Variants in ZNF346 observed in about 807,000 individuals in gnomAD.
ZNF346 encodes zinc finger protein 346.
ZNF346 carries 23 observed loss-of-function variants against 33.7 expected under a neutral mutation model. The ratio of observed to expected loss-of-function variants is 0.68; its 90% confidence interval spans 0.49 to 0.97. ZNF346 has a LOEUF of 0.97. Ranked by LOEUF, ZNF346 falls within the 50% of genes least tolerant of loss-of-function variation. The probability of loss-of-function intolerance (pLI) is 0.00; values close to 1 mark genes in which losing one functional copy is unlikely to be tolerated. For missense variants in ZNF346, 340 were observed against 371.1 expected, an observed-to-expected ratio of 0.92 and a Z score of 0.69; for synonymous variants, 134 against 142.4, an observed-to-expected ratio of 0.94 and a Z score of 0.42.
At chr5:177,027,613 A>G (rs1007327395) in intron 1 of ZNF346, among the ~76,000 whole-genome samples, 1 of 147,460 alleles carries the variant, frequency 6.8e-6, no homozygotes, top group African/African-American at 2.5e-5. Flanking sequence ...AAAAGTTATC[A>G]CCAGTGAAGC....
chr5:177,079,010 C>T (rs1304174455), intron 8 of ZNF346, among the ~76,000 whole-genome samples: 1 of 149,786 alleles, frequency 6.7e-6, no homozygotes, highest in African/African-American at 2.5e-5. Context: ...GTGGCTCACG[C>T]CTATAATCCC....
intron 5 of ZNF346, among the ~76,000 whole-genome samples, chr5:177,059,974 G>A (rs971163944): frequency 6.6e-6 from 1 of 152,168 alleles, no homozygotes; most frequent in Non-Finnish European, 1.5e-5. Flanking sequence ...GGGGGAGCAG[G>A]GATCAAGAAA....
At chr5:177,063,749 G>A (rs1663245108) in intron 6 of ZNF346, among the ~76,000 whole-genome samples, 2 of 152,178 alleles carry the variant, frequency 1.3e-5, no homozygotes, top group Admixed American at 6.6e-5. Flanking sequence ...TTAGCCAGGT[G>A]TGGCGGCACA....
intron 5 of ZNF346, among the ~76,000 whole-genome samples, chr5:177,059,705 C>A (rs1373194369): frequency 6.6e-6 from 1 of 152,212 alleles, no homozygotes; most frequent in Non-Finnish European, 1.5e-5. Context: ...CCAGTTTCTT[C>A]AGCTTTTATA....
chr5:177,041,315 AATT>A, intron 2 of ZNF346, 86 bp downstream of exon 2: 2 of 1,143,152 alleles, frequency 1.7e-6, no homozygotes, highest in Non-Finnish European at 2.6e-6. Context: ...GGTGAAGTGT[AATT>A]GCTGCTTAGC....
At position 177,023,998 on chromosome 5, in the gene ZNF346, T is replaced by A. The variant is rs111412205; in HGVS notation, c.175+1085T>A. 4.1e-3 allele frequency among the ~76,000 whole-genome samples: 614 copies of A among 148,834 alleles called. 6 individuals carry two copies. The highest frequency in any genetic ancestry group is 0.014 in the African/African-American group (569 of 40,824). ...TGTCTCCTAAGTTTATATATATATA[T>A]AATGTATATTATATATAAAAAAGAA... On this transcript the variant is annotated intron_variant, in intron 1 of 6. Coordinates refer to ENST00000358149, the MANE Select transcript of ZNF346 (RefSeq NM_012279.4).
intron 4 of ZNF346, among the ~76,000 whole-genome samples, chr5:177,047,342 T>TG (rs1253128252): frequency 8.2e-4 from 122 of 148,318 alleles, no homozygotes; most frequent in African/African-American, 3.0e-3. Flanking sequence ...TGTTTTTTGT[T>TG]TTTTTTTTTT....
At chr5:177,057,060 C>T (rs1381768076) in intron 5 of ZNF346, among the ~76,000 whole-genome samples, 4 of 152,174 alleles carry the variant, frequency 2.6e-5, no homozygotes, top group Non-Finnish European at 4.4e-5. Context: ...CCTGTAATCT[C>T]AGCACTTTGG....
intron 1 of ZNF346, among the ~76,000 whole-genome samples, chr5:177,033,933 G>A (rs1285323873): frequency 2.6e-5 from 4 of 152,158 alleles, no homozygotes; most frequent in East Asian, 1.9e-4. Flanking sequence ...CAAGGCTGGA[G>A]CATAGCAGTG....
At position 177,041,765 on chromosome 5, in the gene ZNF346, T is replaced by A. The variant is rs1156708382; in HGVS notation, c.280-13T>A. The A allele has an allele frequency of 6.3e-7, 1 of 1,577,390 alleles. No homozygotes were observed. Among genetic ancestry groups the A allele is most frequent in the Non-Finnish European group, 8.7e-7 (1 of 1,147,538 alleles). On this transcript the variant is annotated splice_polypyrimidine_tract_variant and intron_variant, in intron 2 of 6. Transcript: ENST00000358149. ...ATTTGGCTATCTTTGATCTTTCTCCTGGGTTTTTGCAGAGCAAAAAACATG... is the reference window on the plus strand; with the variant it reads ...ATTTGGCTATCTTTGATCTTTCTCCAGGGTTTTTGCAGAGCAAAAAACATG...
chr5:177,048,035 G>A (rs963799613), intron 4 of ZNF346, among the ~76,000 whole-genome samples: 7 of 152,026 alleles, frequency 4.6e-5, no homozygotes, highest in African/African-American at 7.3e-5. Flanking sequence ...TGACTGCATC[G>A]TACTACATTT....
chr5:177,023,232 C>A (rs1167592779), intron 1 of ZNF346: 4 of 1,535,440 alleles, frequency 2.6e-6, no homozygotes, highest in Non-Finnish European at 3.5e-6. Context: ...CTTTGCCATC[C>A]CGGTAAGCCA....
chr5:177,079,523 A>T (rs1383528236), exon 9 of ZNF346: 1 of 152,190 alleles, frequency 6.6e-6, no homozygotes, highest in East Asian at 1.9e-4. Flanking sequence ...TCTTGCGACC[A>T]TGAGAGAAAA....
At chr5:177,036,981 C>T (rs766443932) in intron 1 of ZNF346, among the ~76,000 whole-genome samples, 3 of 152,048 alleles carry the variant, frequency 2.0e-5, no homozygotes, top group African/African-American at 4.8e-5. Flanking sequence ...AAAAAAAAGC[C>T]GCTGATTCCT....
intron 5 of ZNF346, chr5:177,051,625 A>G (rs61462283): frequency 0.14 from 21,353 of 151,720 alleles, 3,185 homozygotes; most frequent in African/African-American, 0.38. Flanking sequence ...TGCAGCCTCC[A>G]CCTCCTGGGT....
chr5:177,022,971 A>C (rs954646896), intron 1 of ZNF346, 58 bp downstream of exon 1: 5 of 1,441,302 alleles, frequency 3.5e-6, no homozygotes, highest in African/African-American at 1.4e-5. Flanking sequence ...CTCGCGGGGA[A>C]CTGCGGAAGC....
At chr5:177,038,071 C>A (rs1561982025) in intron 1 of ZNF346, among the ~76,000 whole-genome samples, 1 of 150,064 alleles carries the variant, frequency 6.7e-6, no homozygotes, top group Non-Finnish European at 1.5e-5. Context: ...CTGACACTTC[C>A]CCATGATGAT....
At chr5:177,043,453 A>C (rs1321561377) in intron 3 of ZNF346, among the ~76,000 whole-genome samples, 1 of 152,114 alleles carries the variant, frequency 6.6e-6, no homozygotes, top group African/African-American at 2.4e-5. Context: ...TTCCTAGCCT[A>C]ATCATAATCA....
chr5:177,023,451 A>G (rs1339941039), intron 1 of ZNF346, among the ~76,000 whole-genome samples: 1 of 151,872 alleles, frequency 6.6e-6, no homozygotes, highest in African/African-American at 2.4e-5. Context: ...TGGGTCCCTT[A>G]TTCTAAGGTG....
Sources: allele counts gnomAD v4.1 joint callset (sites outside exome capture counted in the v4.1 genomes callset), GRCh38; gene constraint gnomAD v4.1.1; transcripts MANE v1.5; gene names NCBI Gene and HGNC (gene_info 2026-07-23, HGNC 2026-07-21).